Variants in ZBTB8OS observed in about 807,000 individuals in gnomAD.
ZBTB8OS encodes the protein tRNA splicing ligase complex subunit 1, also known as tRNA-splicing ligase-activating factor archease.
Under a neutral mutation model 29.3 loss-of-function variants are expected in ZBTB8OS, and 16 were observed. The ratio of observed to expected loss-of-function variants is 0.55; its 90% CI spans 0.37 to 0.83. The LOEUF is 0.83. ZBTB8OS is among the 40% of genes least tolerant of loss of function. The pLI is 0.00. For missense variants in ZBTB8OS, 160 were observed against 196.9 expected (o/e 0.81, Z 1.12); for synonymous variants, 70 against 64.6 (o/e 1.08, Z -0.40).
At position 32,621,642 on chromosome 1, in the gene ZBTB8OS, G is replaced by A. The variant is rs985233498; in HGVS notation, c.*220C>T. 2.4e-5 allele frequency: 12 copies of A among 508,076 alleles called. No homozygotes were observed. Among genetic ancestry groups the A allele is most frequent in the Admixed American group, 3.9e-5 (1 of 25,534 alleles). 31.5% of individuals were successfully genotyped at this position (508,076 alleles called of 1,614,324 possible). A position where few individuals can be genotyped will look rare whatever the true frequency, so the allele number is the denominator to read the frequency against. On this transcript the variant is annotated 3_prime_UTR_variant, in exon 7 of 7. Transcript: ENST00000468695. The stretch of plus-strand genomic sequence containing the variant: ...TCAAAGGACCATAACTGTCCCTTGG[G>A]GGGTTGAAGAATTCTTTAAAGTGTG...
rs528410961 is a variant in ZBTB8OS, at chr1:32,631,370, GA to G, written c.380+456del. ...ACCCTGTATCAAAAAAAAAAAAAAA[GA>G]AAAAAAAGAAAAAACCTAAAAAATA... On this transcript the variant is annotated intron_variant, in intron 5 of 6. Transcript: ENST00000468695. Among the ~76,000 whole-genome samples the G allele has an allele frequency of 1.0e-4, 15 of 144,858 alleles. No homozygotes were observed. In the South Asian group the frequency reaches 3.1e-3, roughly 30 times the overall value.
chr1:32,643,134 G>C (rs368206513), intron 1 of ZBTB8OS, among the ~76,000 whole-genome samples: 2 of 132,750 alleles, frequency 1.5e-5, no homozygotes, highest in Non-Finnish European at 3.1e-5. Context: ...ACAATGGCAC[G>C]ATCTCCGCTC....
At chr1:32,638,230 C>CTA (rs1646135988) in intron 1 of ZBTB8OS, among the ~76,000 whole-genome samples, 2 of 102,152 alleles carry the variant, frequency 2.0e-5, no homozygotes, top group South Asian at 3.2e-4. Flanking sequence ...CTCCAGAATT[C>CTA]TTTTTTTTTT....
chr1:32,639,310 A>G (rs9425887), intron 1 of ZBTB8OS, among the ~76,000 whole-genome samples: 1 of 149,350 alleles, frequency 6.7e-6, no homozygotes, highest in Non-Finnish European at 1.5e-5. Flanking sequence ...CAAAAAAAAT[A>G]AAAAAAAAAA....
At chr1:32,644,373 G>T (rs686234) in intron 1 of ZBTB8OS, among the ~76,000 whole-genome samples, 130,392 of 151,802 alleles carry the variant, frequency 0.86, 57,651 homozygotes, top group Non-Finnish European at 0.96. Context: ...TTAGCTAAGG[G>T]AGAGTCAATT....
intron 1 of ZBTB8OS, among the ~76,000 whole-genome samples, chr1:32,648,847 T>C (rs1398586258): frequency 2.0e-5 from 3 of 150,254 alleles, no homozygotes. Flanking sequence ...TTAGTAGAGA[T>C]GGGGTTTCAC....
Position 32,650,483 on chromosome 1 carries a change from T to C in ZBTB8OS, c.47A>G (p.Glu16Gly). ...ATACTTGGCCTTGATCGCCTTCTGT[T>C]CTTCAGTCAAATTGTAATCTCTAAC... ...EDVRDYNLTE[E>G]QKAIKAKYPP... The change falls in exon 1 of 7, where the codon GAA becomes GGA. Residue 16 changes from glutamate (E) to glycine (G), a missense_variant. By Grantham distance (98) the Glu-to-Gly change is moderately conservative. Coordinates refer to ENST00000468695, the MANE Select transcript of ZBTB8OS (RefSeq NM_178547.5). 6.2e-7 allele frequency: 1 copy of C among 1,614,140 alleles called. No individual in the cohort carries two copies. The highest frequency in any genetic ancestry group is 8.5e-7 in the Non-Finnish European group (1 of 1,180,004).
In ZBTB8OS at chr1:32,630,208, C is replaced by T. The variant is rs1329455400; in HGVS notation, c.380+1619G>A. 3.9e-5 allele frequency among the ~76,000 whole-genome samples: 6 copies of T among 152,094 alleles called. 1 individual carries two copies. The East Asian group carries it at 1.2e-3, about 29-fold the overall frequency. The stretch of plus-strand genomic sequence containing the variant: ...AGACCAGCCTAGCAACATAGCAAGA[C>T]CCCATCTCTATAAAAAATTAAAAAT... On this transcript the variant is annotated intron_variant, in intron 5 of 6. Transcript: ENST00000468695.
chr1:32,631,778 A>G (rs754325521), intron 5 of ZBTB8OS, 49 bp downstream of exon 5: 12 of 1,357,580 alleles, frequency 8.8e-6, no homozygotes, highest in East Asian at 2.4e-5. Context: ...ATTGAATTCA[A>G]TGAAGAATAT....
At chr1:32,650,929 G>C (rs1046833598), upstream of ZBTB8OS, 2 of 468,334 alleles carry the variant, frequency 4.3e-6, no homozygotes, top group African/African-American at 2.1e-5. Context: ...TCAAGAAAAT[G>C]GCTGCCCTCT....
intron 5 of ZBTB8OS, chr1:32,627,854 G>A (rs1413748153): frequency 3.0e-6 from 1 of 336,950 alleles, no homozygotes; most frequent in Admixed American, 4.6e-5. Flanking sequence ...GAGCAACATA[G>A]GGAGACCTCA....
At chr1:32,638,899 G>GT (rs1368097931) in intron 1 of ZBTB8OS, among the ~76,000 whole-genome samples, 1 of 152,144 alleles carries the variant, frequency 6.6e-6, no homozygotes, top group Non-Finnish European at 1.5e-5. Flanking sequence ...GTGTGACAGA[G>GT]TGAGACTCCA....
intron 1 of ZBTB8OS, among the ~76,000 whole-genome samples, chr1:32,650,024 T>C (rs930676915): frequency 5.9e-5 from 9 of 152,152 alleles, no homozygotes; most frequent in African/African-American, 2.2e-4. Context: ...TTTGCTAATA[T>C]GATCGAGGTG....
chr1:32,643,158 C>T (rs1346323007), intron 1 of ZBTB8OS, among the ~76,000 whole-genome samples: 1 of 149,030 alleles, frequency 6.7e-6, no homozygotes, highest in Non-Finnish European at 1.5e-5. Flanking sequence ...GCAACCTCTG[C>T]CTCCCAGGTT....
Position 32,620,914 on chromosome 1 carries a change from A to G in ZBTB8OS, c.*948T>C, listed in dbSNP as rs1644717420. The G allele has an allele frequency of 6.6e-6, 1 of 152,246 alleles. No homozygotes were observed. The highest frequency in any genetic ancestry group is 6.5e-5 in the Admixed American group (1 of 15,278). The allele number at this position is 152,246 out of a possible 1,614,324, so 9.4% of individuals were successfully genotyped here. On this transcript the variant is annotated 3_prime_UTR_variant, in exon 7 of 7. Transcript: ENST00000468695. ...AGAAGGAAAGGTCTCTTTGTAAGGC[A>G]TAGTATTGACTTTTTCTTATGAGAA...
chr1:32,631,114 G>A (rs2148352446), intron 5 of ZBTB8OS, among the ~76,000 whole-genome samples: 1 of 152,158 alleles, frequency 6.6e-6, no homozygotes, highest in East Asian at 1.9e-4. Context: ...TCAGCACTTT[G>A]GGAGGCAGAG....
Position 32,624,222 on chromosome 1 carries a change from T to A in ZBTB8OS, c.418-2274A>T, listed in dbSNP as rs144646619. On this transcript the variant is annotated intron_variant, in intron 6 of 6. Transcript: ENST00000468695. ...GCGTGAGAATGGGTTAATAAACATA[T>A]ATTTTCTGACTACCCCCTCCCCTCC... 1.1e-3 allele frequency among the ~76,000 whole-genome samples: 166 copies of A among 152,314 alleles called. 1 individual carries two copies. The highest frequency in any genetic ancestry group is 3.8e-3 in the African/African-American group (158 of 41,566).
In ZBTB8OS at chr1:32,621,040, G is replaced by A. The variant is rs1644723295; in HGVS notation, c.*822C>T. 6.6e-6 allele frequency: 1 copy of A among 152,148 alleles called. No homozygotes were observed. The highest frequency in any genetic ancestry group is 2.4e-5 in the African/African-American group (1 of 41,430). 9.4% of individuals were successfully genotyped at this position (152,148 alleles called of 1,614,324 possible). A position where few individuals can be genotyped will look rare whatever the true frequency, so the allele number is the denominator to read the frequency against. On this transcript the variant is annotated 3_prime_UTR_variant, in exon 7 of 7. Transcript: ENST00000468695. ...AATTGTTTCTCTACAAAAACCAACT[G>A]GAATACAGGATAGCTCTGTCCTATA... is the stretch of plus-strand genomic sequence containing the variant.
intron 1 of ZBTB8OS, among the ~76,000 whole-genome samples, chr1:32,641,239 G>T (rs1257235029): frequency 7.2e-6 from 1 of 138,600 alleles, no homozygotes; most frequent in African/African-American, 2.6e-5. Flanking sequence ...AACGGACCTA[G>T]TTCAGCTCAC....
Sources: allele counts gnomAD v4.1 joint callset (sites outside exome capture counted in the v4.1 genomes callset), GRCh38; gene constraint gnomAD v4.1.1; transcripts MANE v1.5; gene names NCBI Gene and HGNC (gene_info 2026-07-23, HGNC 2026-07-21).